Variants in GFM1 observed in about 807,000 individuals in gnomAD.
GFM1 encodes the protein G elongation factor mitochondrial 1, also known as elongation factor G, mitochondrial.
In GFM1, 62 loss-of-function variants were observed where a neutral mutation model predicts 96.2. The observed-to-expected ratio is 0.64, with a 90% CI of 0.53 to 0.80. The LOEUF (loss-of-function observed/expected upper bound fraction) is 0.80. GFM1 is among the 30% of genes least tolerant of loss of function. GFM1 has a pLI of 0.00. For missense variants in GFM1, 852 were observed against 916.6 expected, an observed-to-expected ratio of 0.93 and a Z score of 0.91; for synonymous variants, 282 against 312.9, an observed-to-expected ratio of 0.90 and a Z score of 1.04.
intron 13 of GFM1, among the ~76,000 whole-genome samples, chr3:158,680,670 CAT>C (rs1161260928): frequency 6.6e-6 from 1 of 152,142 alleles, no homozygotes; most frequent in Non-Finnish European, 1.5e-5. Context: ...TCAGGTTTCT[CAT>C]GTGTAAAATG....
intron 7 of GFM1, among the ~76,000 whole-genome samples, chr3:158,653,834 G>A (rs1158636244): frequency 1.3e-5 from 2 of 152,060 alleles, no homozygotes; most frequent in African/African-American, 2.4e-5. Flanking sequence ...ACTTTGGGAG[G>A]CCAAGGCGGG....
chr3:158,675,304 A>AAAAAAAC (rs1724789491), intron 13 of GFM1, among the ~76,000 whole-genome samples: 1 of 146,068 alleles, frequency 6.8e-6, no homozygotes, highest in African/African-American at 2.6e-5. Context: ...AAAAAAAAAA[A>AAAAAAAC]AAAAAACAAG....
intron 9 of GFM1, 65 bp from the exon 10 acceptor site, chr3:158,660,809 T>A: frequency 7.3e-7 from 1 of 1,379,164 alleles, no homozygotes; most frequent in Non-Finnish European, 1.0e-6. Context: ...ACAGTTTACT[T>A]TTTAGTTACC....
rs908249531 is a variant in GFM1, at chr3:158,692,981, C to T, written c.*1514C>T. ...GTGCTGGGATTATGGGCATGAACCACCATGCCTGGCTGCTAAATACTTTAA... is the reference window on the plus strand; with the variant it reads ...GTGCTGGGATTATGGGCATGAACCATCATGCCTGGCTGCTAAATACTTTAA... On this transcript the variant is annotated 3_prime_UTR_variant, in exon 18 of 18. Coordinates refer to ENST00000486715, the MANE Select transcript of GFM1 (RefSeq NM_024996.7). 5.9e-5 allele frequency: 9 copies of T among 152,160 alleles called. No individual in the cohort carries two copies. The highest frequency in any genetic ancestry group is 2.2e-4 in the African/African-American group (9 of 41,434). 9.4% of individuals were successfully genotyped at this position (152,160 alleles called of 1,614,324 possible).
At chr3:158,675,026 C>T (rs1037627314) in intron 13 of GFM1, among the ~76,000 whole-genome samples, 15 of 152,146 alleles carry the variant, frequency 9.9e-5, no homozygotes, top group African/African-American at 3.1e-4. Context: ...CAGTGGCTCA[C>T]GCCTGTAATC....
chr3:158,683,941 G>A (rs1725617655), intron 14 of GFM1, among the ~76,000 whole-genome samples: 1 of 152,142 alleles, frequency 6.6e-6, no homozygotes, highest in African/African-American at 2.4e-5. Context: ...GCAAAGATAT[G>A]TAATCAACCT....
chr3:158,686,111 TA>T (rs1365426624), intron 15 of GFM1, among the ~76,000 whole-genome samples: 2 of 150,734 alleles, frequency 1.3e-5, no homozygotes, highest in Non-Finnish European at 3.0e-5. Context: ...TATACATAGA[TA>T]AATAATGTGG....
At chr3:158,655,333 A>T (rs1407163707) in intron 8 of GFM1, among the ~76,000 whole-genome samples, 1 of 151,930 alleles carries the variant, frequency 6.6e-6, no homozygotes, top group Non-Finnish European at 1.5e-5. Flanking sequence ...AAAGTACAAA[A>T]ATTAGCTGAG....
Position 158,681,984 on chromosome 3 carries a change from A to G in GFM1, c.1602-11A>G. 3.1e-6 allele frequency: 5 copies of G among 1,610,264 alleles called. No homozygotes were observed. The highest frequency in any genetic ancestry group is 4.2e-6 in the Non-Finnish European group (5 of 1,178,006). On this transcript the variant is annotated splice_polypyrimidine_tract_variant and intron_variant, in intron 13 of 17. Transcript: ENST00000486715. ...TAATGCTCCATTTTTTTTTTCCTAA[A>G]TCACTTTCAGGTTTGACTTTACACA...
rs749437754 is a variant in GFM1, at chr3:158,684,652, A to G, written c.1893A>G (p.Glu631=). The change falls in exon 15 of 18, where the codon GAA becomes GAG. Residue 631 remains glutamate (E), a synonymous_variant. Transcript: ENST00000486715. ...AAATCTCTTTCATCCGAGCAGGAGA[A>G]GGTGCTCTTAAACAAGGTATGCTGG... ...SNEISFIRAG[E]GALKQALANA... The G allele has an allele frequency of 1.4e-5, 22 of 1,613,992 alleles. 1 individual carries two copies. Among genetic ancestry groups the G allele is most frequent in the Middle Eastern group, 1.6e-4 (1 of 6,078 alleles).
intron 5 of GFM1, chr3:158,650,964 TGAGCCGAGATG>T (rs1469934394): frequency 7.8e-6 from 1 of 128,612 alleles, no homozygotes; most frequent in African/African-American, 3.1e-5. Context: ...GAGCTTGCAG[TGAGCCGAGATG>T]GCACCACTGC....
intron 7 of GFM1, among the ~76,000 whole-genome samples, chr3:158,654,174 CTA>C (rs1266090835): frequency 7.0e-6 from 1 of 142,062 alleles, no homozygotes; most frequent in Non-Finnish European, 1.5e-5. Context: ...TGTCCTATCA[CTA>C]TGTAGTAACT....
chr3:158,677,688 A>G (rs1482299802), intron 13 of GFM1, among the ~76,000 whole-genome samples: 1 of 152,066 alleles, frequency 6.6e-6, no homozygotes, highest in Non-Finnish European at 1.5e-5. Flanking sequence ...TATTTTTAGT[A>G]GAAACAGAGT....
intron 8 of GFM1, among the ~76,000 whole-genome samples, chr3:158,658,367 G>C (rs113467629): frequency 0.17 from 25,570 of 151,878 alleles, 2,354 homozygotes; most frequent in African/African-American, 0.23. Context: ...GTTTTGCCAT[G>C]TTGGCCAGGC....
At chr3:158,669,084 G>T in intron 13 of GFM1, 1 of 1,613,562 alleles carries the variant, frequency 6.2e-7, no homozygotes, top group Non-Finnish European at 8.5e-7. Flanking sequence ...GGCAACCCAG[G>T]CTAAATGTAG....
At chr3:158,683,036 G>GAAAA (rs1394390389) in intron 14 of GFM1, among the ~76,000 whole-genome samples, 1 of 95,998 alleles carries the variant, frequency 1.0e-5, no homozygotes, top group African/African-American at 3.7e-5. Context: ...CTCCAAAATG[G>GAAAA]AAAAAAAAAA....
Position 158,692,235 on chromosome 3 carries a change from C to T in GFM1, c.*768C>T, listed in dbSNP as rs1019586366. ...AGTATAAGTATTACTTCCTTGTGGT[C>T]TATTGTGAAGTAAAAAGTAGACCCT... On this transcript the variant is annotated 3_prime_UTR_variant, in exon 18 of 18. Coordinates refer to ENST00000486715, the MANE Select transcript of GFM1 (RefSeq NM_024996.7). 2.0e-5 allele frequency: 3 copies of T among 152,188 alleles called. No homozygotes were observed. The highest frequency in any genetic ancestry group is 1.3e-4 in the Admixed American group (2 of 15,274). The allele number at this position is 152,188 out of a possible 1,614,324, so 9.4% of individuals were successfully genotyped here.
intron 7 of GFM1, 139 bp from the exon 8 acceptor site, chr3:158,654,408 T>C: frequency 1.5e-5 from 9 of 608,080 alleles, no homozygotes; most frequent in South Asian, 1.4e-4. Flanking sequence ...TCTCTTTCAG[T>C]GAAATTTTAC....
chr3:158,650,330 C>T, intron 5 of GFM1: 1 of 426,074 alleles, frequency 2.3e-6, no homozygotes, highest in South Asian at 3.1e-5. Context: ...GTTGTAACTG[C>T]CTAGTACATA....
Sources: allele counts gnomAD v4.1 joint callset (sites outside exome capture counted in the v4.1 genomes callset), GRCh38; gene constraint gnomAD v4.1.1; transcripts MANE v1.5; gene names NCBI Gene and HGNC (gene_info 2026-07-23, HGNC 2026-07-21).